The following FBXL17 variants were observed in gnomAD, a reference collection of about 807,000 sequenced individuals.
FBXL17 encodes the protein F-box/LRR-repeat protein 17.
In FBXL17, 22 loss-of-function variants were observed where a neutral mutation model predicts 66.2. The observed-to-expected ratio is 0.33, with a 90% CI of 0.24 to 0.47. The LOEUF is 0.47. Among genes scored for constraint, FBXL17 ranks in the 20% least tolerant of loss-of-function variants. The pLI is 1.00. For synonymous variants in FBXL17, 474 were observed against 400.5 expected (o/e 1.18, Z -2.19); for missense variants, 878 against 948.2 (o/e 0.93, Z 0.97).
chr5:107,984,699 G>A (rs1008573776), intron 7 of FBXL17, among the ~76,000 whole-genome samples: 5 of 152,072 alleles, frequency 3.3e-5, no homozygotes, highest in African/African-American at 1.2e-4. Context: ...GTTTTGCACT[G>A]GCATTATATG....
chr5:108,370,969 G>GTT (rs1405498531), intron 1 of FBXL17, among the ~76,000 whole-genome samples: 1 of 151,198 alleles, frequency 6.6e-6, no homozygotes, highest in Admixed American at 6.6e-5. Flanking sequence ...AGTTTCCTGG[G>GTT]TTTTTTTTTC....
chr5:108,322,188 A>T (rs1561528473), intron 4 of FBXL17, among the ~76,000 whole-genome samples: 1 of 151,954 alleles, frequency 6.6e-6, no homozygotes, highest in Non-Finnish European at 1.5e-5. Context: ...CAGCAATCCC[A>T]TCCTGAGACT....
chr5:107,920,404 C>T (rs1204731663), intron 7 of FBXL17, among the ~76,000 whole-genome samples: 1 of 152,132 alleles, frequency 6.6e-6, no homozygotes, highest in East Asian at 1.9e-4. Context: ...GGAGTTTCAC[C>T]ATGTTGGCCA....
rs1256709953 is a variant in FBXL17, at chr5:107,861,012, T to C, written c.*708A>G. 5.9e-5 allele frequency: 9 copies of C among 152,224 alleles called. No homozygotes were observed. The highest frequency in any genetic ancestry group is 2.6e-4 in the Admixed American group (4 of 15,288). 9.4% of individuals were successfully genotyped at this position (152,224 alleles called of 1,614,324 possible). ...TGCTCAACAGAATGCATTTGTAGAA[T>C]AATGTATAATTAACTTTCGTGAGCT... is the stretch of plus-strand genomic sequence containing the variant. On this transcript the variant is annotated 3_prime_UTR_variant, in exon 9 of 9. Coordinates refer to ENST00000542267, the MANE Select transcript of FBXL17 (RefSeq NM_001163315.3).
chr5:108,285,831 A>T (rs142094541), intron 4 of FBXL17, among the ~76,000 whole-genome samples: 83 of 151,850 alleles, frequency 5.5e-4, no homozygotes, highest in African/African-American at 1.8e-3. Flanking sequence ...GACTCAACAA[A>T]ATAAAAAAAA....
At chr5:108,378,437 G>A (rs2112655613) in intron 1 of FBXL17, among the ~76,000 whole-genome samples, 1 of 152,254 alleles carries the variant, frequency 6.6e-6, no homozygotes, top group Non-Finnish European at 1.5e-5. Flanking sequence ...CTCCCTACCA[G>A]GAGAACAGGG....
At chr5:108,302,797 A>G (rs4957752) in intron 4 of FBXL17, among the ~76,000 whole-genome samples, 7,542 of 151,958 alleles carry the variant, frequency 0.05, 283 homozygotes, top group Non-Finnish European at 0.073. Flanking sequence ...TTTCTAAAGA[A>G]AAACCTATGT....
chr5:108,100,982 T>G (rs1227592647), intron 6 of FBXL17, among the ~76,000 whole-genome samples: 1 of 152,192 alleles, frequency 6.6e-6, no homozygotes, highest in East Asian at 1.9e-4. Context: ...AATTTGTGAT[T>G]ACCACAGCTT....
rs535457787 is a variant in FBXL17 at position 108,364,820 on chromosome 5, A to G, written c.1292T>C (p.Ile431Thr). ...TAAAGGACAGTGAGAGGCAACCGCAATAATAGAGGTGTCAGAAAGCTGTTT... is the reference window on the plus strand; with the variant it reads ...TAAAGGACAGTGAGAGGCAACCGCAGTAATAGAGGTGTCAGAAAGCTGTTT... ...RCKQLSDTSI[I>T]AVASHCPLLQ... Residue 431 changes from isoleucine to threonine, a missense_variant, in exon 3 of 9, where the codon ATT becomes ACT. This residue lies in a region of FBXL17 where 236 missense variants were observed against 389.1 expected (regional missense o/e 0.61). Transcript: ENST00000542267. The G allele has an allele frequency of 5.6e-6, 9 of 1,613,038 alleles. No individual in the cohort carries two copies. In the South Asian group the frequency reaches 8.8e-5, roughly 16 times the overall value.
chr5:108,292,704 C>G (rs538882542), intron 4 of FBXL17, among the ~76,000 whole-genome samples: 1 of 152,314 alleles, frequency 6.6e-6, no homozygotes, highest in Non-Finnish European at 1.5e-5. Flanking sequence ...CTTAGAACAT[C>G]ACATTTTAAT....
At chr5:108,342,023 T>TTC (rs1746912971) in intron 4 of FBXL17, among the ~76,000 whole-genome samples, 1 of 152,164 alleles carries the variant, frequency 6.6e-6, no homozygotes, top group African/African-American at 2.4e-5. Flanking sequence ...GACCAGGATC[T>TTC]TCTCTCTTTG....
chr5:108,293,559 A>G (rs1373301150), intron 4 of FBXL17, among the ~76,000 whole-genome samples: 1 of 152,192 alleles, frequency 6.6e-6, no homozygotes, highest in African/African-American at 2.4e-5. Context: ...TTGTAAGTCT[A>G]AAATGAAGAT....
rs80184740 is a variant in FBXL17 at position 107,933,590 on chromosome 5, A to G, written c.1823-52411T>C. Among the ~76,000 whole-genome samples the G allele has an allele frequency of 1.2e-3, 187 of 152,290 alleles. 4 individuals are homozygous for G. In the East Asian group the frequency reaches 0.035, roughly 28 times the overall value. On this transcript the variant is annotated intron_variant, in intron 7 of 8. Coordinates refer to ENST00000542267, the MANE Select transcript of FBXL17 (RefSeq NM_001163315.3). ...GAATTTATGGTAAGTATACAGACTT[A>G]AACAATACCCTGTTCCCTGAATAGA...
chr5:107,895,208 T>A (rs1266638403), intron 7 of FBXL17, among the ~76,000 whole-genome samples: 2 of 151,806 alleles, frequency 1.3e-5, no homozygotes, highest in East Asian at 3.9e-4. Flanking sequence ...CCTTTAAGAA[T>A]TTTTTTTTAA....
chr5:107,947,692 G>C (rs1324816441), intron 7 of FBXL17, among the ~76,000 whole-genome samples: 1 of 152,140 alleles, frequency 6.6e-6, no homozygotes, highest in Non-Finnish European at 1.5e-5. Flanking sequence ...CTAGCAGATA[G>C]CTTCCAGGAA....
chr5:107,921,454 A>C (rs536462682), intron 7 of FBXL17, among the ~76,000 whole-genome samples: 71 of 152,340 alleles, frequency 4.7e-4, no homozygotes, highest in African/African-American at 1.7e-3. Context: ...GATTTTCCAT[A>C]GCTGAAGGCA....
chr5:108,076,419 G>A (rs940914865), intron 6 of FBXL17, among the ~76,000 whole-genome samples: 1 of 152,150 alleles, frequency 6.6e-6, no homozygotes, highest in Non-Finnish European at 1.5e-5. Flanking sequence ...CTGAAAATAA[G>A]TGTTATTAAG....
chr5:108,320,007 T>C (rs1359175196), intron 4 of FBXL17, among the ~76,000 whole-genome samples: 1 of 151,818 alleles, frequency 6.6e-6, no homozygotes, highest in Non-Finnish European at 1.5e-5. Context: ...TAAACAAATC[T>C]ATTCTCTTAC....
At chr5:108,327,836 G>C (rs1439991096) in intron 4 of FBXL17, among the ~76,000 whole-genome samples, 4 of 152,128 alleles carry the variant, frequency 2.6e-5, no homozygotes, top group African/African-American at 7.2e-5. Context: ...ACGGCAGTTG[G>C]GAAGTTAACA....
Sources: gnomAD v4.1 joint callset for allele counts (sites outside exome capture counted in the v4.1 genomes callset) on GRCh38, gnomAD v4.1.1 for gene constraint, gnomAD v4.1.1 regional missense constraint, MANE v1.5 for transcripts, NCBI Gene and HGNC (gene_info 2026-07-23, HGNC 2026-07-21) for gene names.